The following SRPX variants were observed in gnomAD, a reference collection of about 807,000 sequenced individuals.
SRPX encodes sushi repeat-containing protein SRPX.
A neutral mutation model predicts 38.1 loss-of-function variants in SRPX; 24 were observed. That is an observed-to-expected ratio of 0.63 (90% confidence interval 0.46 to 0.89). The LOEUF is 0.89. Among genes scored for constraint, SRPX ranks in the 40% least tolerant of loss-of-function variants. The pLI, the probability that SRPX is intolerant of heterozygous loss-of-function variation, is 0.00. For synonymous variants in SRPX, 184 were observed against 153.8 expected (o/e 1.20, Z -1.45); for missense variants, 416 against 377.8 (o/e 1.10, Z -0.84).
At chrX:38,208,221 G>T (rs1569215243) in intron 1 of SRPX, among the ~76,000 whole-genome samples, 1 of 111,550 alleles carries the variant, frequency 9.0e-6, no homozygotes, top group Non-Finnish European at 1.9e-5. Context: ...AGTGTATACA[G>T]CTCAATACAT....
chrX:38,192,312 T>C (rs185203962), intron 1 of SRPX, among the ~76,000 whole-genome samples: 2 of 111,511 alleles, frequency 1.8e-5, no homozygotes, highest in Non-Finnish European at 3.8e-5. Context: ...AGAGAGTCCA[T>C]AAGAGCTGTT....
chrX:38,179,767 C>T (rs1326071847), intron 1 of SRPX, among the ~76,000 whole-genome samples: 2 of 111,546 alleles, frequency 1.8e-5, no homozygotes, highest in Non-Finnish European at 3.8e-5. Flanking sequence ...TCTGCACACC[C>T]AGATGTGTAC....
At chrX:38,172,907 A>T (rs1938501254) in intron 3 of SRPX, among the ~76,000 whole-genome samples, 1 of 112,471 alleles carries the variant, frequency 8.9e-6, no homozygotes. Flanking sequence ...AGAGAGAGAG[A>T]GCGAGTGGGA....
At chrX:38,162,219 C>A (rs1371046790) in intron 5 of SRPX, among the ~76,000 whole-genome samples, 2 of 112,218 alleles carry the variant, frequency 1.8e-5, no homozygotes, top group Non-Finnish European at 3.8e-5. Flanking sequence ...AATAAGGGAA[C>A]TCACAAGAAG....
chrX:38,165,766 C>T (rs1938355733), intron 4 of SRPX, among the ~76,000 whole-genome samples: 1 of 112,043 alleles, frequency 8.9e-6, no homozygotes, highest in South Asian at 3.8e-4. Context: ...CCACTCTCCC[C>T]TTGAACTGCT....
At position 38,160,047 on chromosome X, in the gene SRPX, C is replaced by G; in HGVS notation, c.925G>C (p.Ala309Pro). The G allele has an allele frequency of 8.3e-7, 1 of 1,211,238 alleles. No homozygotes were observed. The highest frequency in any genetic ancestry group is 1.1e-6 in the Non-Finnish European group (1 of 895,164). ...CAGGTGGGCTCCGTGCCAGACCAAG[C>G]CAGGTTGGATTGACATACTCGGGCA... is the stretch of plus-strand genomic sequence containing the variant. ...SPARVCQSNL[A>P]WSGTEPTCAA... The change falls in exon 7 of 10, where the codon GCT becomes CCT. Residue 309 changes from alanine (A) to proline (P), a missense_variant. Physicochemically the swap from Ala to Pro is conservative, Grantham distance 27. Transcript: ENST00000378533.
At chrX:38,154,134 A>G (rs939914583) in intron 9 of SRPX, 13 of 186,571 alleles carry the variant, frequency 7.0e-5, no homozygotes, top group Non-Finnish European at 1.3e-4. Context: ...ATGCTCTTCT[A>G]ATAAGACCAT....
chrX:38,213,484 G>A (rs1171065525), intron 1 of SRPX, among the ~76,000 whole-genome samples: 1 of 111,763 alleles, frequency 8.9e-6, no homozygotes, highest in Non-Finnish European at 1.9e-5. Context: ...CTGACACTGA[G>A]GCAGCAACTT....
chrX:38,209,673 A>C (rs988267079), intron 1 of SRPX, among the ~76,000 whole-genome samples: 1 of 112,701 alleles, frequency 8.9e-6, no homozygotes, highest in African/African-American at 3.2e-5. Context: ...GAAATTTTAC[A>C]GAAGAAAGTA....
chrX:38,176,817 A>C (rs1938574836), intron 2 of SRPX, among the ~76,000 whole-genome samples: 1 of 111,947 alleles, frequency 8.9e-6, no homozygotes, highest in African/African-American at 3.2e-5. Context: ...AAAATAAATA[A>C]AACTTAAATT....
chrX:38,202,016 G>A (rs1002258248), intron 1 of SRPX, among the ~76,000 whole-genome samples: 2 of 111,301 alleles, frequency 1.8e-5, no homozygotes, highest in Non-Finnish European at 3.8e-5. Context: ...AAAATTCCCT[G>A]GTTTTCTTTT....
intron 9 of SRPX, among the ~76,000 whole-genome samples, chrX:38,152,468 G>A (rs766198860): frequency 8.9e-5 from 10 of 112,255 alleles, no homozygotes; most frequent in Admixed American, 1.9e-4. Flanking sequence ...CACGAGAAAT[G>A]CAAATTCTCG....
chrX:38,205,138 C>G (rs1601871418), intron 1 of SRPX, among the ~76,000 whole-genome samples: 1 of 112,245 alleles, frequency 8.9e-6, no homozygotes, highest in Non-Finnish European at 1.9e-5. Context: ...GTGAGAGAGA[C>G]AGAGAAAATG....
intron 9 of SRPX, among the ~76,000 whole-genome samples, chrX:38,153,302 CTTTTTTTTTTT>C (rs58888978): frequency 1.1e-4 from 6 of 54,740 alleles, no homozygotes; most frequent in Admixed American, 7.8e-4. Context: ...TTCTTTCTTT[CTTTTTTTTTTT>C]TTTTTTTTTT....
intron 1 of SRPX, among the ~76,000 whole-genome samples, chrX:38,203,549 C>T (rs1202204958): frequency 1.8e-5 from 2 of 112,984 alleles, no homozygotes; most frequent in Non-Finnish European, 3.7e-5. Context: ...GAGGCTGAGG[C>T]GAGTGGATCA....
At chrX:38,157,940 C>T (rs1446101463) in intron 7 of SRPX, among the ~76,000 whole-genome samples, 1 of 112,442 alleles carries the variant, frequency 8.9e-6, no homozygotes, top group Non-Finnish European at 1.9e-5. Context: ...TCACTTCCAG[C>T]TGGCTCTGTG....
At chrX:38,220,575 G>C in intron 1 of SRPX, 121 bp downstream of exon 1, 1 of 1,030,751 alleles carries the variant, frequency 9.7e-7, no homozygotes, top group Non-Finnish European at 1.3e-6. Flanking sequence ...TGCGAAAGAG[G>C]AGTTCTGCGC....
Position 38,214,755 on chromosome X carries a change from C to T in SRPX, c.97+5941G>A, listed in dbSNP as rs751305794. On this transcript the variant is annotated intron_variant, in intron 1 of 9. Coordinates refer to ENST00000378533, the MANE Select transcript of SRPX (RefSeq NM_006307.5). The stretch of plus-strand genomic sequence containing the variant: ...AATCTCAGGAGGTGGAGGATGTAGC[C>T]GCTCCACCGCTTCCTCACCACTCCA... 2.0e-4 allele frequency among the ~76,000 whole-genome samples: 22 copies of T among 111,217 alleles called. 1 individual carries two copies. In the Admixed American group the frequency reaches 2.0e-3, roughly 10 times the overall value.
At chrX:38,179,198 G>A (rs1938623763) in intron 1 of SRPX, among the ~76,000 whole-genome samples, 1 of 111,451 alleles carries the variant, frequency 9.0e-6, no homozygotes, top group Non-Finnish European at 1.9e-5. Context: ...TGCCCGCCTC[G>A]GCCTCACAAA....
Sources: allele counts gnomAD v4.1 joint callset (sites outside exome capture counted in the v4.1 genomes callset), GRCh38; gene constraint gnomAD v4.1.1; transcripts MANE v1.5; gene names NCBI Gene and HGNC (gene_info 2026-07-23, HGNC 2026-07-21).